The following PKIB variants were observed in gnomAD, a reference collection of about 807,000 sequenced individuals.
PKIB encodes PKI-beta.
A neutral mutation model predicts 4.5 loss-of-function variants in PKIB; 2 were observed. The observed-to-expected ratio is 0.44, with a 90% CI of 0.18 to 1.39. The LOEUF (loss-of-function observed/expected upper bound fraction) is 1.39, where lower values mean the gene tolerates loss of function less well. Ranked by LOEUF, PKIB falls within the 40% of genes most tolerant of loss-of-function variation. The probability of loss-of-function intolerance (pLI) is 0.27; values close to 1 mark genes in which losing one functional copy is unlikely to be tolerated. For missense variants in PKIB, 94 were observed against 92.6 expected, an observed-to-expected ratio of 1.02 and a Z score of -0.06; for synonymous variants, 38 against 36.0, an observed-to-expected ratio of 1.06 and a Z score of -0.20.
At chr6:122,633,091 T>C (rs191748556) in intron 1 of PKIB, among the ~76,000 whole-genome samples, 192 bp from the exon 2 acceptor site, 293 of 152,328 alleles carry the variant, frequency 1.9e-3, no homozygotes, top group Non-Finnish European at 3.6e-3. Context: ...CTGCTCTTGC[T>C]ATCAGAGAAA....
intron 2 of PKIB, among the ~76,000 whole-genome samples, chr6:122,664,704 A>T (rs1473740606): frequency 3.3e-5 from 5 of 152,066 alleles, no homozygotes; most frequent in Non-Finnish European, 5.9e-5. Flanking sequence ...GTGACATTAA[A>T]TATATTTTTG....
At chr6:122,507,804 A>G (rs1776459251) in intron 2 of PKIB, among the ~76,000 whole-genome samples, 1 of 149,028 alleles carries the variant, frequency 6.7e-6, no homozygotes, top group African/African-American at 2.5e-5. Flanking sequence ...CCTCTTTTTT[A>G]GGTCTTTGTT....
intron 3 of PKIB, among the ~76,000 whole-genome samples, chr6:122,696,451 A>G (rs546135629): frequency 6.6e-6 from 1 of 152,196 alleles, no homozygotes; most frequent in Non-Finnish European, 1.5e-5. Flanking sequence ...GGAACATCCA[A>G]ATGTAAAGAG....
intron 4 of PKIB, among the ~76,000 whole-genome samples, chr6:122,723,102 C>G (rs1434014980): frequency 6.6e-6 from 1 of 152,172 alleles, no homozygotes; most frequent in Non-Finnish European, 1.5e-5. Context: ...CTTTTCTTTC[C>G]TCATCTCCCC....
chr6:122,554,058 C>T (rs576316188), intron 2 of PKIB, among the ~76,000 whole-genome samples: 5 of 152,224 alleles, frequency 3.3e-5, no homozygotes, highest in East Asian at 1.9e-4. Context: ...ATTTATAGTT[C>T]GCAAAAGCAA....
chr6:122,477,300 A>G (rs1775474949), intron 1 of PKIB, among the ~76,000 whole-genome samples: 3 of 152,224 alleles, frequency 2.0e-5, no homozygotes, highest in Admixed American at 6.5e-5. Flanking sequence ...TACAAGCTAA[A>G]CAAGGAAGCA....
chr6:122,694,296 T>C (rs4245521), intron 3 of PKIB, among the ~76,000 whole-genome samples: 150,589 of 152,316 alleles, frequency 0.99, 74,461 homozygotes, highest in East Asian at 1. Flanking sequence ...AGGGAAGGTA[T>C]CTGGAATCTG....
chr6:122,560,832 G>A (rs1192382637), intron 2 of PKIB, among the ~76,000 whole-genome samples: 1 of 151,914 alleles, frequency 6.6e-6, no homozygotes, highest in Non-Finnish European at 1.5e-5. Context: ...TGTTCATAAA[G>A]GTGTTCATAG....
chr6:122,631,099 A>G (rs559246705), intron 1 of PKIB, among the ~76,000 whole-genome samples: 2 of 152,314 alleles, frequency 1.3e-5, no homozygotes, highest in East Asian at 1.9e-4. Context: ...AAACAGAACA[A>G]ACAAACATCC....
rs9482251 is a variant in PKIB, at chr6:122,543,120, C to G, written c.-247-42801C>G. On this transcript the variant is annotated intron_variant, in intron 2 of 6. Coordinates refer to the PKIB transcript ENST00000392491. The stretch of plus-strand genomic sequence containing the variant: ...GATTTTCCAGGTGCCGTCTGTCACC[C>G]CTTTCTTTGACTAGGAAAGGGAACT... 5.8e-4 allele frequency among the ~76,000 whole-genome samples: 88 copies of G among 152,154 alleles called. 2 individuals are homozygous for G. The highest frequency in any genetic ancestry group is 2.1e-3 in the African/African-American group (88 of 41,442).
At chr6:122,642,856 T>G (rs1776173469) in intron 2 of PKIB, among the ~76,000 whole-genome samples, 1 of 152,228 alleles carries the variant, frequency 6.6e-6, no homozygotes, top group Non-Finnish European at 1.5e-5. Context: ...GTATTCTTCA[T>G]AGTCAAGGTG....
At chr6:122,573,926 A>G (rs988133291) in intron 2 of PKIB, among the ~76,000 whole-genome samples, 2 of 152,244 alleles carry the variant, frequency 1.3e-5, no homozygotes, top group Non-Finnish European at 2.9e-5. Context: ...AGCCAGAGCT[A>G]TCAGACAAAA....
upstream of PKIB, among the ~76,000 whole-genome samples, chr6:122,608,493 C>T (rs756909529): frequency 2.0e-5 from 3 of 152,216 alleles, no homozygotes; most frequent in Non-Finnish European, 4.4e-5. Context: ...CAAACCTTTC[C>T]GCATCTTCTC....
At position 122,684,734 on chromosome 6, in the gene PKIB, G is replaced by A. The variant is rs74556417; in HGVS notation, c.-9+9590G>A. Among the ~76,000 whole-genome samples the A allele has an allele frequency of 4.8e-3, 725 of 152,116 alleles. 23 individuals carry two copies. The East Asian group carries it at 0.096, about 20-fold the overall frequency. ...TTAGTTTTGTTTTGTTTATTAATGAGCTGATGATTAAAATTTCTTCTAGCT... is the reference window on the plus strand; with the variant it reads ...TTAGTTTTGTTTTGTTTATTAATGAACTGATGATTAAAATTTCTTCTAGCT... On this transcript the variant is annotated intron_variant, in intron 3 of 4. Transcript: ENST00000368452.
intron 2 of PKIB, among the ~76,000 whole-genome samples, chr6:122,554,525 C>T (rs76092474): frequency 0.094 from 14,337 of 152,216 alleles, 823 homozygotes; most frequent in South Asian, 0.15. Context: ...ACTTCAAAAA[C>T]TCACATTTAT....
intron 2 of PKIB, among the ~76,000 whole-genome samples, chr6:122,674,188 ATTG>A (rs1777578263): frequency 6.6e-6 from 1 of 152,170 alleles, no homozygotes; most frequent in Non-Finnish European, 1.5e-5. Context: ...TGGGCTTGAT[ATTG>A]TAGGTGATAG....
intron 3 of PKIB, chr6:122,701,362 A>G (rs1778806409): frequency 7.5e-6 from 9 of 1,205,928 alleles, no homozygotes; most frequent in Non-Finnish European, 1.1e-5. Context: ...TGGTGATCAG[A>G]GAGCTCTAGC....
intron 2 of PKIB, among the ~76,000 whole-genome samples, chr6:122,519,174 C>G (rs1249166734): frequency 6.6e-6 from 1 of 152,026 alleles, no homozygotes; most frequent in Non-Finnish European, 1.5e-5. Flanking sequence ...ATCAGCAGCT[C>G]CTAGAGTCTC....
chr6:122,483,167 G>A (rs1471946695), intron 2 of PKIB: 3 of 151,994 alleles, frequency 2.0e-5, no homozygotes, highest in African/African-American at 7.3e-5. Flanking sequence ...TTTTTCTTCT[G>A]TAGCTTCCTC....
Sources: gnomAD v4.1 joint callset for allele counts (sites outside exome capture counted in the v4.1 genomes callset) on GRCh38, gnomAD v4.1.1 for gene constraint, MANE v1.5 for transcripts, NCBI Gene and HGNC (gene_info 2026-07-23, HGNC 2026-07-21) for gene names.